Variants in PRR16 observed in about 807,000 individuals in gnomAD.
PRR16 encodes proline rich 16, also known as protein Largen.
In PRR16, 6 loss-of-function variants were observed where a neutral mutation model predicts 18.2. The ratio of observed to expected loss-of-function variants is 0.33; its 90% CI spans 0.18 to 0.65. The LOEUF (loss-of-function observed/expected upper bound fraction) is 0.65, where lower values mean the gene tolerates loss of function less well. PRR16 is among the 30% of genes least tolerant of loss of function. PRR16 has a pLI of 0.74. For synonymous variants in PRR16, 151 were observed against 147.8 expected (o/e 1.02, Z -0.16); for missense variants, 412 against 376.6 (o/e 1.09, Z -0.78).
At chr5:120,604,572 G>A (rs2112795142) in intron 1 of PRR16, among the ~76,000 whole-genome samples, 1 of 152,234 alleles carries the variant, frequency 6.6e-6, no homozygotes. Flanking sequence ...GGTATGTGAG[G>A]ATTTGAACCT....
At chr5:120,679,685 A>G (rs1466141001) in intron 1 of PRR16, among the ~76,000 whole-genome samples, 1 of 152,112 alleles carries the variant, frequency 6.6e-6, no homozygotes, top group Non-Finnish European at 1.5e-5. Context: ...AGGGGAAGAA[A>G]CCCTGCCGTT....
chr5:120,492,512 C>T (rs1321936311), intron 1 of PRR16, among the ~76,000 whole-genome samples: 2 of 151,808 alleles, frequency 1.3e-5, no homozygotes, highest in Non-Finnish European at 2.9e-5. Flanking sequence ...AGTTTAAAAG[C>T]CATATTGATT....
the PRR16 span, among the ~76,000 whole-genome samples, chr5:120,721,330 A>G: frequency 6.6e-6 from 1 of 152,030 alleles, no homozygotes; most frequent in Non-Finnish European, 1.5e-5. Flanking sequence ...TTGTAAGGTG[A>G]TAAATTCCAT....
chr5:120,574,347 G>A (rs984148153), intron 1 of PRR16, among the ~76,000 whole-genome samples: 3 of 152,096 alleles, frequency 2.0e-5, no homozygotes, highest in African/African-American at 7.2e-5. Context: ...GCTCATACCT[G>A]TAACTCAGCA....
At chr5:120,576,860 T>C (rs1455531458) in intron 1 of PRR16, among the ~76,000 whole-genome samples, 4 of 151,946 alleles carry the variant, frequency 2.6e-5, no homozygotes, top group Non-Finnish European at 5.9e-5. Context: ...GTCTTGAGAG[T>C]TTTCTGCCTC....
At chr5:120,508,473 C>CTA (rs1192794196) in intron 1 of PRR16, among the ~76,000 whole-genome samples, 11 of 152,164 alleles carry the variant, frequency 7.2e-5, no homozygotes, top group African/African-American at 2.4e-4. Flanking sequence ...CAGTCTGCTG[C>CTA]AATATTATAT....
At chr5:120,662,524 C>G (rs1037561063) in intron 1 of PRR16, among the ~76,000 whole-genome samples, 1 of 152,144 alleles carries the variant, frequency 6.6e-6, no homozygotes, top group South Asian at 2.1e-4. Context: ...GCACAAAACG[C>G]TCAGGGAAAT....
At chr5:120,702,967 A>G in the PRR16 span, among the ~76,000 whole-genome samples, 2 of 152,296 alleles carry the variant, frequency 1.3e-5, no homozygotes, top group South Asian at 2.1e-4. Context: ...AATTTCATGC[A>G]CGTCCGTGTG....
chr5:120,755,459 C>T, the PRR16 span, among the ~76,000 whole-genome samples: 6 of 151,864 alleles, frequency 4.0e-5, no homozygotes, highest in East Asian at 3.9e-4. Flanking sequence ...TGTTTAGCTC[C>T]GAATTATGTG....
chr5:120,513,904 G>A (rs1424568382), intron 1 of PRR16, among the ~76,000 whole-genome samples: 1 of 151,746 alleles, frequency 6.6e-6, no homozygotes, highest in Non-Finnish European at 1.5e-5. Context: ...GATTGCAGGT[G>A]CCCACCACCA....
intron 1 of PRR16, among the ~76,000 whole-genome samples, chr5:120,557,089 A>C (rs1752438285): frequency 6.6e-6 from 1 of 151,974 alleles, no homozygotes; most frequent in Admixed American, 6.6e-5. Flanking sequence ...TATGACACAC[A>C]ACAATAAAAT....
At chr5:120,685,908 T>A in intron 1 of PRR16, 46 bp from the exon 2 acceptor site, 2 of 1,548,716 alleles carry the variant, frequency 1.3e-6, no homozygotes, top group Non-Finnish European at 1.8e-6. Flanking sequence ...CTAGTATACT[T>A]TGTTTGGGTC....
At chr5:120,503,251 G>A (rs948877689) in intron 1 of PRR16, among the ~76,000 whole-genome samples, 3 of 152,018 alleles carry the variant, frequency 2.0e-5, no homozygotes, top group Non-Finnish European at 2.9e-5. Context: ...GGGAAAAGGA[G>A]CAAAATTGTA....
chr5:120,773,570 C>T, the PRR16 span, among the ~76,000 whole-genome samples: 1 of 152,210 alleles, frequency 6.6e-6, no homozygotes, highest in South Asian at 2.1e-4. Context: ...CACAGCCACA[C>T]CTAACTTCAA....
intron 1 of PRR16, among the ~76,000 whole-genome samples, chr5:120,515,067 T>C (rs559379043): frequency 1.4e-3 from 216 of 152,330 alleles, no homozygotes; most frequent in Non-Finnish European, 2.7e-3. Flanking sequence ...GAATTTTATT[T>C]GGCTCATGGT....
At chr5:120,506,464 G>A (rs1249495361) in intron 1 of PRR16, among the ~76,000 whole-genome samples, 1 of 151,998 alleles carries the variant, frequency 6.6e-6, no homozygotes, top group Admixed American at 6.6e-5. Context: ...AGTTAGTACT[G>A]TATTCAGCCA....
the PRR16 span, among the ~76,000 whole-genome samples, chr5:120,746,860 T>C: frequency 6.6e-6 from 1 of 152,204 alleles, no homozygotes; most frequent in Non-Finnish European, 1.5e-5. Flanking sequence ...AAACAAATTA[T>C]GTTCTCTTCA....
the PRR16 span, among the ~76,000 whole-genome samples, chr5:120,777,778 A>G: frequency 5.3e-5 from 8 of 152,164 alleles, no homozygotes; most frequent in African/African-American, 1.9e-4. Flanking sequence ...GAATACTGCG[A>G]ATCTATTAAA....
At chr5:120,494,122 G>A (rs935469203) in intron 1 of PRR16, among the ~76,000 whole-genome samples, 1 of 152,104 alleles carries the variant, frequency 6.6e-6, no homozygotes, top group Non-Finnish European at 1.5e-5. Context: ...TAGTTTTCCA[G>A]AGTGACTATA....
Sources: gnomAD v4.1 joint callset for allele counts (sites outside exome capture counted in the v4.1 genomes callset) on GRCh38, gnomAD v4.1.1 for gene constraint, MANE v1.5 for transcripts, NCBI Gene and HGNC (gene_info 2026-07-23, HGNC 2026-07-21) for gene names.